The following BNC2 variants were observed in gnomAD, a reference collection of about 807,000 sequenced individuals.
BNC2 encodes zinc finger protein basonuclin-2.
A neutral mutation model predicts 76.3 loss-of-function variants in BNC2; 20 were observed. That is an observed-to-expected ratio of 0.26 (90% CI 0.18 to 0.38). The LOEUF (loss-of-function observed/expected upper bound fraction) is 0.38, where lower values mean the gene tolerates loss of function less well. Ranked by LOEUF, BNC2 falls within the 10% of genes least tolerant of loss-of-function variation. The pLI is 1.00. For synonymous variants in BNC2, 582 were observed against 514.8 expected (o/e 1.13, Z -1.77); for missense variants, 1,382 against 1,399.8 (o/e 0.99, Z 0.20).
rs1030820564 is a variant in BNC2, at chr9:16,835,157, T to C, written c.3+35489A>G. Among the ~76,000 whole-genome samples the C allele has an allele frequency of 9.8e-5, 15 of 152,360 alleles. 1 individual carries two copies. Among genetic ancestry groups the C allele is most frequent in the South Asian group, 2.1e-4 (1 of 4,832 alleles). On this transcript the variant is annotated intron_variant, in intron 1 of 6. Coordinates refer to ENST00000380672, the MANE Select transcript of BNC2 (RefSeq NM_017637.6). ...AGAGAAACAATTCATACAGATGAGA[T>C]GTTAAGAACAGCAACTTCATATAAT...
At chr9:16,672,061 C>T (rs939965848) in intron 3 of BNC2, among the ~76,000 whole-genome samples, 49 of 152,186 alleles carry the variant, frequency 3.2e-4, no homozygotes, top group African/African-American at 1.1e-3. Context: ...AGAAATAATA[C>T]ATACTCTGCT....
chr9:16,633,251 G>GAAA lies in BNC2; in HGVS notation c.331-50167_331-50166insTTT, dbSNP rs200211703. Among the ~76,000 whole-genome samples the GAAA allele has an allele frequency of 1.1e-3, 175 of 152,300 alleles. 2 individuals carry two copies. In the East Asian group the frequency reaches 0.032, roughly 27 times the overall value. ...CTATTTACTGAAATACGATGGCCCT[G>GAAA]TACCAAAGAACAAAATGGGGAGCCC... On this transcript the variant is annotated intron_variant, in intron 3 of 6. Transcript: ENST00000380672.
chr9:16,463,273 T>G (rs2131268130), intron 5 of BNC2, among the ~76,000 whole-genome samples: 1 of 151,020 alleles, frequency 6.6e-6, no homozygotes, highest in South Asian at 2.1e-4. Context: ...TTTGCCACTG[T>G]GAGCATACAA....
chr9:16,836,359 T>G (rs541167019), intron 1 of BNC2, among the ~76,000 whole-genome samples: 2 of 152,090 alleles, frequency 1.3e-5, no homozygotes, highest in African/African-American at 4.8e-5. Context: ...GTCAAACGAA[T>G]GCATATATAA....
At chr9:16,741,176 G>T (rs923648391) in intron 1 of BNC2, among the ~76,000 whole-genome samples, 8 of 152,266 alleles carry the variant, frequency 5.3e-5, no homozygotes, top group Non-Finnish European at 1.0e-4. Context: ...CAACTGGAAA[G>T]GGTAAAATGA....
At position 16,471,339 on chromosome 9, in the gene BNC2, G is replaced by A. The variant is rs143887815; in HGVS notation, c.670-33815C>T. Among the ~76,000 whole-genome samples, 579 of 150,248 alleles carry A rather than the reference G, an allele frequency of 3.9e-3. 2 individuals are homozygous for A. The highest frequency in any genetic ancestry group is 0.017 in the Middle Eastern group (5 of 292). ...GATAGAGTCTCACTCTGTTGCCCAG[G>A]CTGGAGTGCAGTGGCACGATCTTGG... is the stretch of plus-strand genomic sequence containing the variant. On this transcript the variant is annotated intron_variant, in intron 5 of 6. Coordinates refer to ENST00000380672, the MANE Select transcript of BNC2 (RefSeq NM_017637.6).
At chr9:16,781,675 AAAC>A (rs746385146) in intron 1 of BNC2, among the ~76,000 whole-genome samples, 2 of 152,236 alleles carry the variant, frequency 1.3e-5, no homozygotes, top group African/African-American at 4.8e-5. Flanking sequence ...AGAATTTTTA[AAAC>A]AACAAGAAGT....
intron 4 of BNC2, among the ~76,000 whole-genome samples, chr9:16,560,323 G>T (rs1008283476): frequency 6.6e-6 from 1 of 152,220 alleles, no homozygotes; most frequent in Non-Finnish European, 1.5e-5. Context: ...TTAGCAGACT[G>T]TAAGTAAGGA....
intron 4 of BNC2, chr9:16,580,297 T>C (rs1312538451): frequency 2.5e-6 from 1 of 397,238 alleles, no homozygotes; most frequent in East Asian, 3.6e-5. Flanking sequence ...GGGATTCACA[T>C]GCTTGGGTGT....
At chr9:16,613,548 C>T (rs1045120362) in intron 3 of BNC2, among the ~76,000 whole-genome samples, 1 of 152,156 alleles carries the variant, frequency 6.6e-6, no homozygotes, top group Non-Finnish European at 1.5e-5. Context: ...ACACCTGTAC[C>T]TTTTCTGAAA....
Position 16,419,505 on chromosome 9 carries a change from C to T in BNC2, c.2784G>A (p.Gly928=), listed in dbSNP as rs1563774541. 1 of 1,614,090 alleles carries T rather than the reference C, an allele frequency of 6.2e-7. No individual in the cohort carries two copies. Among genetic ancestry groups the T allele is most frequent in the South Asian group, 1.1e-5 (1 of 91,064 alleles). Residue 928 remains glycine (G), a synonymous_variant, in exon 7 of 7, where the codon GGG becomes GGA. Coordinates refer to ENST00000380672, the MANE Select transcript of BNC2 (RefSeq NM_017637.6). ...AGGAGGCGTCTTCCCTGACATCGAG[C>T]CCCATGGGGTGCTGGGCACCATATA... ...VKIYGAQHPM[G]LDVREDASSP... is the part of the protein sequence containing the mutation.
At chr9:16,491,002 A>G (rs1489141902) in intron 5 of BNC2, among the ~76,000 whole-genome samples, 1 of 152,186 alleles carries the variant, frequency 6.6e-6, no homozygotes, top group African/African-American at 2.4e-5. Flanking sequence ...ATGGCTCCAT[A>G]TGAGCAGAGG....
In BNC2 at chr9:16,582,744, T is replaced by C. The variant is rs1486326924; in HGVS notation, c.433+239A>G. Among the ~76,000 whole-genome samples, 3 of 152,218 alleles carry C rather than the reference T, an allele frequency of 2.0e-5. No individual in the cohort carries two copies. The East Asian group carries it at 5.8e-4, about 29-fold the overall frequency. The stretch of plus-strand genomic sequence containing the variant: ...TAAGAACTTCACAGCCCAACTGTCC[T>C]ATAAACATCTTGGCCTTCTGCTGAG... On this transcript the variant is annotated intron_variant, in intron 4 of 6. Transcript: ENST00000380672.
At chr9:16,662,124 T>C (rs577668897) in intron 3 of BNC2, among the ~76,000 whole-genome samples, 67 of 152,320 alleles carry the variant, frequency 4.4e-4, no homozygotes, top group African/African-American at 1.6e-3. Context: ...AAACTCCCAA[T>C]ATTTCTCCTT....
At chr9:16,781,649 T>A (rs1302662212) in intron 1 of BNC2, among the ~76,000 whole-genome samples, 1 of 152,248 alleles carries the variant, frequency 6.6e-6, no homozygotes, top group Non-Finnish European at 1.5e-5. Flanking sequence ...TGTTTCAATA[T>A]AAACACATTC....
chr9:16,815,708 C>G (rs377086706), intron 1 of BNC2, among the ~76,000 whole-genome samples: 7 of 152,174 alleles, frequency 4.6e-5, no homozygotes, highest in African/African-American at 1.7e-4. Flanking sequence ...TCTGTGCTTC[C>G]CACATCAAGA....
intron 5 of BNC2, among the ~76,000 whole-genome samples, chr9:16,540,972 CA>C (rs1248397586): frequency 6.6e-6 from 1 of 152,178 alleles, no homozygotes; most frequent in Non-Finnish European, 1.5e-5. Flanking sequence ...GGATTTGAGG[CA>C]GTTAACACAC....
chr9:16,520,052 C>A (rs141883524), intron 5 of BNC2, among the ~76,000 whole-genome samples: 54 of 152,342 alleles, frequency 3.5e-4, no homozygotes, highest in African/African-American at 1.3e-3. Context: ...CAGATACCGA[C>A]ACATTTTGGC....
chr9:16,779,003 G>T (rs1826044132), intron 1 of BNC2, among the ~76,000 whole-genome samples: 1 of 151,044 alleles, frequency 6.6e-6, no homozygotes, highest in Non-Finnish European at 1.5e-5. Flanking sequence ...ATGTTAATTA[G>T]ATGTCAGACT....
Sources: gnomAD v4.1 joint callset for allele counts (sites outside exome capture counted in the v4.1 genomes callset) on GRCh38, gnomAD v4.1.1 for gene constraint, MANE v1.5 for transcripts, NCBI Gene and HGNC (gene_info 2026-07-23, HGNC 2026-07-21) for gene names.